HAO1: variants seen among roughly 807,000 people sequenced by gnomAD.
HAO1 encodes the protein 2-Hydroxyacid oxidase 1.
In HAO1, 34 loss-of-function variants were observed where a neutral mutation model predicts 39.7. The ratio of observed to expected loss-of-function variants is 0.86; its 90% CI spans 0.65 to 1.14. The LOEUF (loss-of-function observed/expected upper bound fraction) is 1.14, where lower values mean the gene tolerates loss of function less well. Among genes scored for constraint, HAO1 ranks in the 50% most tolerant of loss-of-function variants. HAO1 has a pLI of 0.00. For missense variants in HAO1, 479 were observed against 464.5 expected (o/e 1.03, Z -0.29); for synonymous variants, 172 against 173.2 (o/e 0.99, Z 0.05).
chr20:7,890,210 TTTTTG>T lies in HAO1; in HGVS notation c.814-4351_814-4347del, dbSNP rs571569407. Among the ~76,000 whole-genome samples, 8 of 152,044 alleles carry T rather than the reference TTTTTG, an allele frequency of 5.3e-5. No homozygotes were observed. In the East Asian group the frequency reaches 1.5e-3, roughly 29 times the overall value. On this transcript the variant is annotated intron_variant, in intron 5 of 7. Transcript: ENST00000378789. ...AAAGAGGAGGGTTATGGTTTGTTTT[TTTTTG>T]TTTTGTTTTGTTTTTGAGACAGAGT...
At chr20:7,903,592 C>T (rs73597936) in intron 4 of HAO1, among the ~76,000 whole-genome samples, 17,519 of 135,846 alleles carry the variant, frequency 0.13, 1,485 homozygotes, top group East Asian at 0.34. Context: ...GTGGTTATGG[C>T]GCTGGTGGTG....
intron 4 of HAO1, among the ~76,000 whole-genome samples, chr20:7,903,873 T>TGGTAGC (rs1394868373): frequency 1.6e-5 from 2 of 126,866 alleles, no homozygotes; most frequent in African/African-American, 5.7e-5. Context: ...GTGGTGGTGG[T>TGGTAGC]GGTGGTGGTG....
chr20:7,931,543 C>T (rs1338907569), intron 2 of HAO1, among the ~76,000 whole-genome samples: 2 of 152,004 alleles, frequency 1.3e-5, no homozygotes, highest in African/African-American at 4.8e-5. Context: ...ATAATATGAT[C>T]GATTTATTTG....
At chr20:7,909,917 G>A (rs1011455127) in intron 3 of HAO1, among the ~76,000 whole-genome samples, 5 of 152,074 alleles carry the variant, frequency 3.3e-5, no homozygotes, top group African/African-American at 4.8e-5. Context: ...TCTGTGGTTC[G>A]GAAAACACTT....
chr20:7,908,323 C>T (rs1433100909), intron 3 of HAO1, among the ~76,000 whole-genome samples: 3 of 150,894 alleles, frequency 2.0e-5, no homozygotes, highest in Admixed American at 6.6e-5. Context: ...ACCCGGGAGG[C>T]GAGGTTGCAG....
intron 4 of HAO1, among the ~76,000 whole-genome samples, chr20:7,903,653 AGTGGTG>A (rs1344153516): frequency 6.7e-6 from 1 of 148,204 alleles, no homozygotes; most frequent in South Asian, 2.2e-4. Context: ...TGATGATAGC[AGTGGTG>A]GTGGTGGCAG....
intron 2 of HAO1, among the ~76,000 whole-genome samples, chr20:7,928,576 T>C (rs1242663889): frequency 6.6e-6 from 1 of 151,684 alleles, no homozygotes; most frequent in Non-Finnish European, 1.5e-5. Context: ...AAGTAGCTCA[T>C]GCTCAGTATC....
chr20:7,926,057 T>TTGTG (rs773207494), intron 2 of HAO1, among the ~76,000 whole-genome samples: 1 of 150,946 alleles, frequency 6.6e-6, no homozygotes, highest in Non-Finnish European at 1.5e-5. Context: ...GGATGTGTGT[T>TTGTG]TGTGTGTGTG....
intron 1 of HAO1, among the ~76,000 whole-genome samples, chr20:7,937,092 C>T (rs971217588): frequency 3.3e-5 from 5 of 151,980 alleles, no homozygotes; most frequent in African/African-American, 1.2e-4. Context: ...GTAAAGGAAG[C>T]GGGGTAACGG....
At chr20:7,908,116 G>A (rs773948413) in intron 3 of HAO1, among the ~76,000 whole-genome samples, 31 of 152,218 alleles carry the variant, frequency 2.0e-4, no homozygotes, top group Non-Finnish European at 3.2e-4. Flanking sequence ...TCGGCTGGGC[G>A]CAATGGCTCA....
chr20:7,885,464 G>C (rs1324945966), intron 7 of HAO1, 57 bp downstream of exon 7: 1 of 1,100,086 alleles, frequency 9.1e-7, no homozygotes, highest in African/African-American at 1.5e-5. Flanking sequence ...CTCCACCAAG[G>C]ACCTTGACTT....
In HAO1 at chr20:7,895,145, C is replaced by A; in HGVS notation, c.801G>T (p.Gly267=). ...TGCCAAAACTCACAGTGGCTGGCAC[C>A]CCATCGAGTTGTCGAGCCCCATGAT... ...VSNHGARQLD[G]VPATIDVLPE... The change falls in exon 5 of 8, where the codon GGG becomes GGT. Residue 267 remains glycine (G), a synonymous_variant. Transcript: ENST00000378789. 1 of 1,608,342 alleles carries A rather than the reference C, an allele frequency of 6.2e-7. No homozygotes were observed. The highest frequency in any genetic ancestry group is 8.5e-7 in the Non-Finnish European group (1 of 1,174,914).
chr20:7,902,135 A>G (rs2050223834), intron 4 of HAO1, among the ~76,000 whole-genome samples: 1 of 152,238 alleles, frequency 6.6e-6, no homozygotes, highest in Admixed American at 6.5e-5. Flanking sequence ...CAAAGGATTT[A>G]GAATATTACA....
At chr20:7,929,193 T>G (rs904501451) in intron 2 of HAO1, among the ~76,000 whole-genome samples, 3 of 152,182 alleles carry the variant, frequency 2.0e-5, no homozygotes, top group Non-Finnish European at 4.4e-5. Flanking sequence ...AAAATAAAAA[T>G]ATTTTTCACA....
chr20:7,896,700 G>A (rs1226047283), intron 4 of HAO1, among the ~76,000 whole-genome samples: 1 of 152,100 alleles, frequency 6.6e-6, no homozygotes, highest in Non-Finnish European at 1.5e-5. Flanking sequence ...ATTAGGATTA[G>A]ATTAGATTTC....
chr20:7,912,552 G>T lies in HAO1; in HGVS notation c.545+1612C>A, dbSNP rs1034876076. Among the ~76,000 whole-genome samples, 3 of 149,356 alleles carry T rather than the reference G, an allele frequency of 2.0e-5. No homozygotes were observed. The East Asian group carries it at 6.0e-4, about 30-fold the overall frequency. On this transcript the variant is annotated intron_variant, in intron 3 of 7. Coordinates refer to ENST00000378789, the MANE Select transcript of HAO1 (RefSeq NM_017545.3). ...AGAAATGTTTCCTCTAAGAAGCCTC[G>T]ATAGTGGGAAACTATTTAGAAAGTC... is the stretch of plus-strand genomic sequence containing the variant.
At chr20:7,937,844 C>T (rs893979416) in intron 1 of HAO1, among the ~76,000 whole-genome samples, 3 of 152,074 alleles carry the variant, frequency 2.0e-5, no homozygotes, top group Non-Finnish European at 4.4e-5. Context: ...TGGGTGGTTC[C>T]ATTTACTTGT....
chr20:7,939,801 A>G (rs904944781), intron 1 of HAO1, among the ~76,000 whole-genome samples: 1 of 152,222 alleles, frequency 6.6e-6, no homozygotes, highest in African/African-American at 2.4e-5. Flanking sequence ...TGCATAGACA[A>G]ATTGAAATCT....
chr20:7,921,436 G>T (rs971901309), intron 2 of HAO1, among the ~76,000 whole-genome samples: 3 of 151,942 alleles, frequency 2.0e-5, no homozygotes, highest in Non-Finnish European at 4.4e-5. Context: ...AATTACTTTT[G>T]TTAAAAAGTC....
Sources: allele counts gnomAD v4.1 joint callset (sites outside exome capture counted in the v4.1 genomes callset), GRCh38; gene constraint gnomAD v4.1.1; transcripts MANE v1.5; gene names NCBI Gene and HGNC (gene_info 2026-07-23, HGNC 2026-07-21).